DNAH6: variants seen among roughly 807,000 people sequenced by gnomAD.
DNAH6 encodes axonemal beta dynein heavy chain 6.
Under a neutral mutation model 491.4 loss-of-function variants are expected in DNAH6, and 340 were observed. That is an observed-to-expected ratio of 0.69 (90% confidence interval 0.63 to 0.76). The LOEUF (loss-of-function observed/expected upper bound fraction) is 0.76. Ranked by LOEUF, DNAH6 falls within the 30% of genes least tolerant of loss-of-function variation. DNAH6 has a pLI of 0.00. For synonymous variants in DNAH6, 1,603 were observed against 1,686.1 expected (o/e 0.95, Z 1.21); for missense variants, 4,443 against 4,972.2 (o/e 0.89, Z 3.20).
At chr2:84,765,214 C>CAGAAT (rs1674965054) in intron 64 of DNAH6, among the ~76,000 whole-genome samples, 1 of 151,648 alleles carries the variant, frequency 6.6e-6, no homozygotes, top group Non-Finnish European at 1.5e-5. Context: ...ATATGAAATC[C>CAGAAT]AGAATAGAAG....
chr2:84,624,211 A>G, intron 26 of DNAH6, 54 bp from the exon 27 acceptor site: 2 of 1,448,578 alleles, frequency 1.4e-6, no homozygotes, highest in Admixed American at 2.5e-5. Context: ...GAGATAATGT[A>G]TATATGTAAG....
chr2:84,671,311 A>G (rs979253730), intron 39 of DNAH6, among the ~76,000 whole-genome samples: 1 of 152,122 alleles, frequency 6.6e-6, no homozygotes, highest in Admixed American at 6.5e-5. Context: ...CATTGACCTT[A>G]TCACTGGAAG....
chr2:84,767,571 TA>T (rs1428896222), intron 64 of DNAH6, among the ~76,000 whole-genome samples: 2 of 151,954 alleles, frequency 1.3e-5, no homozygotes, highest in African/African-American at 4.8e-5. Context: ...TAAGCGTATA[TA>T]TATATATATA....
At chr2:84,611,888 T>A in intron 22 of DNAH6, 34 bp downstream of exon 22, 1 of 1,532,622 alleles carries the variant, frequency 6.5e-7, no homozygotes, top group South Asian at 1.2e-5. Flanking sequence ...GCAAAAAGAC[T>A]ACAATCTTTT....
intron 64 of DNAH6, among the ~76,000 whole-genome samples, chr2:84,775,683 T>C (rs1238819899): frequency 1.3e-5 from 2 of 152,148 alleles, no homozygotes; most frequent in African/African-American, 4.8e-5. Flanking sequence ...TCAATTTCAT[T>C]ACTCATTATT....
chr2:84,523,206 A>G (rs1423681061), intron 2 of DNAH6, among the ~76,000 whole-genome samples: 1 of 152,000 alleles, frequency 6.6e-6, no homozygotes, highest in Non-Finnish European at 1.5e-5. Context: ...CCAGGAATTT[A>G]TCCATCCCCT....
intron 60 of DNAH6, 53 bp downstream of exon 60, chr2:84,722,857 C>A: frequency 9.3e-7 from 1 of 1,074,194 alleles, no homozygotes. Context: ...TCCATTACAC[C>A]TGTTGAATTA....
chr2:84,711,342 T>C (rs1248879527), intron 56 of DNAH6, among the ~76,000 whole-genome samples: 4 of 152,144 alleles, frequency 2.6e-5, no homozygotes, highest in African/African-American at 9.7e-5. Context: ...TATTTTCCTA[T>C]AAGTAATAAA....
chr2:84,523,858 T>C (rs115986860), intron 2 of DNAH6, among the ~76,000 whole-genome samples: 4,352 of 152,042 alleles, frequency 0.029, 222 homozygotes, highest in African/African-American at 0.099. Context: ...TTACTGAGGA[T>C]TGTTTTATGT....
chr2:84,581,703 G>T (rs777044323), intron 14 of DNAH6, among the ~76,000 whole-genome samples: 3 of 152,196 alleles, frequency 2.0e-5, no homozygotes, highest in East Asian at 1.9e-4. Context: ...TATGGAGAAA[G>T]AATGTTTAGT....
At chr2:84,685,216 T>C in intron 42 of DNAH6, 110 bp from the exon 43 acceptor site, 1 of 708,880 alleles carries the variant, frequency 1.4e-6, no homozygotes, top group Admixed American at 3.5e-5. Flanking sequence ...GCAGTCATTT[T>C]TGGCAATATG....
In DNAH6 at chr2:84,704,036, G is replaced by A. The variant is rs1429175444; in HGVS notation, c.8230-31G>A. On this transcript the variant is annotated intron_variant, in intron 50 of 76. Coordinates refer to ENST00000389394, the MANE Select transcript of DNAH6 (RefSeq NM_001370.2). ...TGAATATTAAAATTCAAATAATGAG[G>A]CCACTTAAGCAGTCATGTTTCAATG... The A allele has an allele frequency of 2.7e-6, 4 of 1,481,710 alleles. No homozygotes were observed. In the South Asian group the frequency reaches 3.8e-5, roughly 14 times the overall value. 91.8% of individuals were successfully genotyped at this position (1,481,710 alleles called of 1,614,324 possible).
chr2:84,779,894 G>A (rs899737149), intron 64 of DNAH6, among the ~76,000 whole-genome samples: 4 of 152,094 alleles, frequency 2.6e-5, no homozygotes, highest in Admixed American at 6.5e-5. Flanking sequence ...TGCTTATGAA[G>A]CTTAGTCTGA....
At chr2:84,601,701 A>G (rs72941058) in intron 18 of DNAH6, among the ~76,000 whole-genome samples, 6,163 of 151,984 alleles carry the variant, frequency 0.041, 405 homozygotes, top group African/African-American at 0.14. Context: ...TAGACCATTC[A>G]CATTTAAAGT....
At chr2:84,588,397 C>A (rs781322051) in intron 15 of DNAH6, among the ~76,000 whole-genome samples, 2 of 152,156 alleles carry the variant, frequency 1.3e-5, no homozygotes, top group Non-Finnish European at 2.9e-5. Flanking sequence ...ACATGTCTTG[C>A]CATTTATATT....
At chr2:84,615,362 C>T (rs1686750348) in intron 22 of DNAH6, among the ~76,000 whole-genome samples, 1 of 152,062 alleles carries the variant, frequency 6.6e-6, no homozygotes, top group South Asian at 2.1e-4. Flanking sequence ...TGCTTTATTT[C>T]CAGGTTCTCT....
intron 70 of DNAH6, among the ~76,000 whole-genome samples, chr2:84,803,659 A>C (rs1238102336): frequency 6.6e-6 from 1 of 152,066 alleles, no homozygotes; most frequent in Non-Finnish European, 1.5e-5. Context: ...ATATTTAAAT[A>C]CTTAAAGTGC....
rs34678148 is a variant in DNAH6 at position 84,798,988 on chromosome 2, C to CTT, written c.11481+1346_11481+1347dup. Reference sequence around the variant, plus strand: ...CTGGTCACTCCTCTTTTTTTCTTTCCTTTTTTTTTTTTTTTTTGAGACGGA... The same window carrying CTT: ...CTGGTCACTCCTCTTTTTTTCTTTCCTTTTTTTTTTTTTTTTTTTGAGACGGA... On this transcript the variant is annotated intron_variant, in intron 70 of 76. Transcript: ENST00000389394. Among the ~76,000 whole-genome samples, 111 of 136,618 alleles carry CTT rather than the reference C, an allele frequency of 8.1e-4. 1 individual carries two copies. The highest frequency in any genetic ancestry group is 2.8e-3 in the Admixed American group (38 of 13,658). The allele number at this position is 136,618 out of a possible 152,430, so 89.6% of individuals were successfully genotyped here.
intron 62 of DNAH6, among the ~76,000 whole-genome samples, 181 bp from the exon 63 acceptor site, chr2:84,744,899 T>C (rs1037627726): frequency 6.6e-6 from 1 of 152,198 alleles, no homozygotes; most frequent in Non-Finnish European, 1.5e-5. Flanking sequence ...ATTTTCTGAT[T>C]ACATTTTAAA....
Sources: allele counts gnomAD v4.1 joint callset (sites outside exome capture counted in the v4.1 genomes callset), GRCh38; gene constraint gnomAD v4.1.1; transcripts MANE v1.5; gene names NCBI Gene and HGNC (gene_info 2026-07-23, HGNC 2026-07-21).